EDEM1: variants seen among roughly 807,000 people sequenced by gnomAD.
EDEM1 encodes the protein ER degradation enhancing alpha-mannosidase like protein 1.
In EDEM1, 67 loss-of-function variants were observed where a neutral mutation model predicts 74.4. The observed-to-expected ratio is 0.90, with a 90% CI of 0.74 to 1.10. The LOEUF (loss-of-function observed/expected upper bound fraction) is 1.10. Among genes scored for constraint, EDEM1 ranks in the 50% least tolerant of loss-of-function variants. EDEM1 has a pLI of 0.00. For missense variants in EDEM1, 926 were observed against 851.6 expected, an observed-to-expected ratio of 1.09 and a Z score of -1.09; for synonymous variants, 382 against 335.9, an observed-to-expected ratio of 1.14 and a Z score of -1.50.
In EDEM1 at chr3:5,217,278, A is replaced by G. The variant is rs1169922127; in HGVS notation, c.*1360A>G. 1 of 152,528 alleles carries G rather than the reference A, an allele frequency of 6.6e-6. No individual in the cohort carries two copies. The highest frequency in any genetic ancestry group is 1.5e-5 in the Non-Finnish European group (1 of 68,020). 9.4% of individuals were successfully genotyped at this position (152,528 alleles called of 1,614,324 possible). ...GAACTCACACTGATACACACCTGCTACTCTTACACAGTGCAGCAGGGTTGA... is the reference window on the plus strand; with the variant it reads ...GAACTCACACTGATACACACCTGCTGCTCTTACACAGTGCAGCAGGGTTGA... On this transcript the variant is annotated 3_prime_UTR_variant, in exon 12 of 12. Transcript: ENST00000256497.
At position 5,213,531 on chromosome 3, in the gene EDEM1, C is replaced by T. The variant is rs1179863293; in HGVS notation, c.1884+9C>T. 2 of 1,598,832 alleles carry T rather than the reference C, an allele frequency of 1.3e-6. No individual in the cohort carries two copies. Among genetic ancestry groups the T allele is most frequent in the African/African-American group, 1.3e-5 (1 of 74,566 alleles). Reference sequence around the variant, plus strand: ...TCAACTCCAGCTCCAACGTGAGTTGCTTTTTCCAGGGGTGATTTGCATATA... The same window carrying T: ...TCAACTCCAGCTCCAACGTGAGTTGTTTTTTCCAGGGGTGATTTGCATATA... On this transcript the variant is annotated intron_variant, in intron 11 of 11. Coordinates refer to ENST00000256497, the MANE Select transcript of EDEM1 (RefSeq NM_014674.3).
At chr3:5,189,709 T>A (rs937775557) in intron 1 of EDEM1, 1 of 152,312 alleles carries the variant, frequency 6.6e-6, no homozygotes. Flanking sequence ...AAAGTGATTC[T>A]CCTGCCTCAG....
In EDEM1 at chr3:5,218,853, A is replaced by T. The variant is rs991744587; in HGVS notation, c.*2935A>T. 2 of 151,992 alleles carry T rather than the reference A, an allele frequency of 1.3e-5. No homozygotes were observed. The highest frequency in any genetic ancestry group is 3.9e-4 in the East Asian group (2 of 5,184). 9.4% of individuals were successfully genotyped at this position (151,992 alleles called of 1,614,324 possible). A position where few individuals can be genotyped will look rare whatever the true frequency, so the allele number is the denominator to read the frequency against. On this transcript the variant is annotated 3_prime_UTR_variant, in exon 12 of 12. Transcript: ENST00000256497. The stretch of plus-strand genomic sequence containing the variant: ...ATTCAAATCTTTCCTTCATTTTTTT[A>T]AATTTTTTTTTTGGCAGCGCTTGTG...
chr3:5,189,976 A>G (rs1265490548), intron 1 of EDEM1, among the ~76,000 whole-genome samples: 1 of 117,796 alleles, frequency 8.5e-6, no homozygotes, highest in Non-Finnish European at 1.7e-5. Flanking sequence ...CTATAAATGT[A>G]TTTTCTTTCT....
chr3:5,215,553 C>T (rs893854881), intron 11 of EDEM1, among the ~76,000 whole-genome samples: 1 of 152,190 alleles, frequency 6.6e-6, no homozygotes, highest in Admixed American at 6.5e-5. Flanking sequence ...CACTGGTCTT[C>T]ACCTGAGGGT....
intron 8 of EDEM1, among the ~76,000 whole-genome samples, chr3:5,209,292 C>G (rs1313514889): frequency 6.6e-6 from 1 of 152,172 alleles, no homozygotes; most frequent in Non-Finnish European, 1.5e-5. Flanking sequence ...ACCTGTTTGG[C>G]CTTTCTGAGC....
intron 2 of EDEM1, among the ~76,000 whole-genome samples, chr3:5,198,099 C>A (rs974174963): frequency 6.6e-6 from 1 of 151,806 alleles, no homozygotes; most frequent in African/African-American, 2.4e-5. Context: ...GGCTGGAGTG[C>A]AGTGGTGAGA....
At chr3:5,195,890 A>G (rs1488996239) in intron 2 of EDEM1, among the ~76,000 whole-genome samples, 1 of 152,276 alleles carries the variant, frequency 6.6e-6, no homozygotes, top group African/African-American at 2.4e-5. Context: ...CCTTGAAGGC[A>G]GTGTGGCACT....
intron 11 of EDEM1, 99 bp downstream of exon 11, chr3:5,213,621 A>C (rs2055194955): frequency 8.3e-7 from 1 of 1,200,160 alleles, no homozygotes; most frequent in African/African-American, 1.5e-5. Context: ...TTGATGGTGT[A>C]TGCAGATTGG....
At chr3:5,215,404 G>A (rs1378843581) in intron 11 of EDEM1, among the ~76,000 whole-genome samples, 3 of 152,160 alleles carry the variant, frequency 2.0e-5, no homozygotes, top group Non-Finnish European at 2.9e-5. Context: ...TAGCAGAAAT[G>A]TTTTCTGAAA....
rs896019065 is a variant in EDEM1 at position 5,219,724 on chromosome 3, A to G, written c.*3806A>G. The G allele has an allele frequency of 6.6e-6, 1 of 152,630 alleles. No individual in the cohort carries two copies. Among genetic ancestry groups the G allele is most frequent in the African/African-American group, 2.4e-5 (1 of 41,442 alleles). The allele number at this position is 152,630 out of a possible 1,614,324, so 9.5% of individuals were successfully genotyped here. A position where few individuals can be genotyped will look rare whatever the true frequency, so the allele number is the denominator to read the frequency against. On this transcript the variant is annotated 3_prime_UTR_variant, in exon 12 of 12. Transcript: ENST00000256497. ...TACAAAAAAAAGTATAGAGTTGGAA[A>G]CTCTGGGAAAACTTACGGAAATACA...
chr3:5,215,075 C>T (rs1322742402), intron 11 of EDEM1, among the ~76,000 whole-genome samples: 1 of 152,062 alleles, frequency 6.6e-6, no homozygotes, highest in Non-Finnish European at 1.5e-5. Flanking sequence ...GAGATGTGGG[C>T]TGGTGGGGGC....
Position 5,215,870 on chromosome 3 carries a change from A to C in EDEM1, c.1926A>C (p.Leu642Phe). The part of the protein sequence containing the change: ...VPDERRYSLP[L>F]KSIYMRQIDQ... Reference sequence around the variant, plus strand: ...ATGAGAGGAGGTACTCCCTGCCCTTAAAGAGCATCTACATGCGACAGATTG... The same window carrying C: ...ATGAGAGGAGGTACTCCCTGCCCTTCAAGAGCATCTACATGCGACAGATTG... Residue 642 changes from leucine (L) to phenylalanine (F), a missense_variant, in exon 12 of 12, where the codon TTA becomes TTC. Physicochemically the swap from Leu to Phe is conservative, Grantham distance 22 (BLOSUM62 0). Coordinates refer to ENST00000256497, the MANE Select transcript of EDEM1 (RefSeq NM_014674.3). 1 of 1,613,128 alleles carries C rather than the reference A, an allele frequency of 6.2e-7. No individual in the cohort carries two copies. The highest frequency in any genetic ancestry group is 1.1e-5 in the South Asian group (1 of 90,780).
At position 5,211,197 on chromosome 3, in the gene EDEM1, C is replaced by T. The variant is rs905791730; in HGVS notation, c.1661C>T (p.Thr554Ile). Residue 554 changes from threonine to isoleucine, a missense_variant, in exon 10 of 12, where the codon ACC becomes ATC. Thr to Ile is a moderately conservative substitution (Grantham distance 89). Transcript: ENST00000256497. ...DRMESFFLSE[T>I]CKYLYLLFDE... Reference sequence around the variant, plus strand: ...ATGGAGAGCTTCTTTCTCAGTGAGACCTGTAAATATTTGTATCTGGTATGT... The same window carrying T: ...ATGGAGAGCTTCTTTCTCAGTGAGATCTGTAAATATTTGTATCTGGTATGT... The T allele has an allele frequency of 1.2e-6, 2 of 1,613,978 alleles. No homozygotes were observed. Among genetic ancestry groups the T allele is most frequent in the African/African-American group, 1.3e-5 (1 of 74,898 alleles).
chr3:5,196,943 T>TTTTTG (rs1559294812), intron 2 of EDEM1, among the ~76,000 whole-genome samples: 30 of 151,446 alleles, frequency 2.0e-4, no homozygotes, highest in African/African-American at 7.0e-4. Flanking sequence ...TTCTTTTTTT[T>TTTTTG]TTTTTTGAGA....
At chr3:5,196,577 A>T (rs891572100) in intron 2 of EDEM1, among the ~76,000 whole-genome samples, 2 of 152,192 alleles carry the variant, frequency 1.3e-5, no homozygotes, top group Non-Finnish European at 2.9e-5. Flanking sequence ...AGCTTGAGAG[A>T]TCATTCTACG....
Position 5,219,288 on chromosome 3 carries a change from T to G in EDEM1, c.*3370T>G, listed in dbSNP as rs2055283078. ...TGTTGACAAAAACAAAAATCTTTTT[T>G]CAAATGTAGTGCTGGTGAAAAGGTA... On this transcript the variant is annotated 3_prime_UTR_variant, in exon 12 of 12. Transcript: ENST00000256497. The G allele has an allele frequency of 6.6e-6, 1 of 152,210 alleles. No individual in the cohort carries two copies. Among genetic ancestry groups the G allele is most frequent in the Non-Finnish European group, 1.5e-5 (1 of 68,034 alleles). The allele number at this position is 152,210 out of a possible 1,614,324, so 9.4% of individuals were successfully genotyped here. A position where few individuals can be genotyped will look rare whatever the true frequency, so the allele number is the denominator to read the frequency against.
intron 2 of EDEM1, among the ~76,000 whole-genome samples, chr3:5,198,542 T>A (rs1308112403): frequency 1.3e-5 from 2 of 152,166 alleles, no homozygotes; most frequent in South Asian, 2.1e-4. Flanking sequence ...TGTTTGTACC[T>A]GTGAAGATAA....
intron 1 of EDEM1, among the ~76,000 whole-genome samples, chr3:5,193,996 T>TA (rs1281861594): frequency 1.3e-5 from 2 of 152,232 alleles, no homozygotes; most frequent in African/African-American, 2.4e-5. Context: ...TTGGAGCTGT[T>TA]ATGCCTCTTT....
Sources: allele counts gnomAD v4.1 joint callset (sites outside exome capture counted in the v4.1 genomes callset), GRCh38; gene constraint gnomAD v4.1.1; transcripts MANE v1.5; gene names NCBI Gene and HGNC (gene_info 2026-07-23, HGNC 2026-07-21).